The following CHD9 variants were observed in gnomAD, a reference collection of about 807,000 sequenced individuals.
CHD9 encodes chromodomain helicase DNA binding protein 9.
CHD9 carries 77 observed loss-of-function variants against 316.1 expected under a neutral mutation model. The observed-to-expected ratio is 0.24, with a 90% confidence interval of 0.20 to 0.29. The LOEUF is 0.29. Ranked by LOEUF, CHD9 falls within the 10% of genes least tolerant of loss-of-function variation. The probability of loss-of-function intolerance (pLI) is 1.00; values close to 1 mark genes in which losing one functional copy is unlikely to be tolerated. For synonymous variants in CHD9, 1,129 were observed against 1,158.3 expected, an observed-to-expected ratio of 0.97 and a Z score of 0.51; for missense variants, 2,763 against 3,438.1, an observed-to-expected ratio of 0.80 and a Z score of 4.91.
At chr16:53,306,041 C>T (rs907000111) in intron 31 of CHD9, among the ~76,000 whole-genome samples, 196 bp from the exon 32 acceptor site, 6 of 152,266 alleles carry the variant, frequency 3.9e-5, no homozygotes, top group Middle Eastern at 6.8e-3. Context: ...CTGTGCAACA[C>T]AGCAAGACCC....
chr16:53,233,048 G>T (rs1416550997), intron 10 of CHD9, among the ~76,000 whole-genome samples: 1 of 152,162 alleles, frequency 6.6e-6, no homozygotes, highest in Non-Finnish European at 1.5e-5. Flanking sequence ...GTGGATGCCA[G>T]CTGGCTGTCC....
intron 2 of CHD9, among the ~76,000 whole-genome samples, chr16:53,204,522 C>T (rs185539870): frequency 2.6e-5 from 4 of 152,270 alleles, no homozygotes; most frequent in Admixed American, 1.3e-4. Context: ...AAGGGTCTGA[C>T]ACTATCCTCT....
intron 2 of CHD9, among the ~76,000 whole-genome samples, chr16:53,175,993 T>C (rs542752499): frequency 6.6e-6 from 1 of 152,330 alleles, no homozygotes; most frequent in East Asian, 1.9e-4. Context: ...ATGGGGATAT[T>C]GAAGCTGGAA....
At chr16:53,271,992 A>G (rs1271536791) in intron 22 of CHD9, among the ~76,000 whole-genome samples, 3 of 152,214 alleles carry the variant, frequency 2.0e-5, no homozygotes, top group African/African-American at 4.8e-5. Context: ...ATGATAAACA[A>G]TAAAATTGTA....
intron 1 of CHD9, among the ~76,000 whole-genome samples, chr16:53,114,834 G>T (rs542656191): frequency 1.4e-4 from 21 of 152,008 alleles, no homozygotes; most frequent in African/African-American, 4.8e-4. Context: ...TGATCCGCCC[G>T]CCTCGGCCTC....
chr16:53,199,981 ATCCTAGC>A (rs1488001312), intron 2 of CHD9, among the ~76,000 whole-genome samples: 2 of 152,170 alleles, frequency 1.3e-5, no homozygotes, highest in African/African-American at 2.4e-5. Context: ...CATGCCTGTA[ATCCTAGC>A]ACTTTGGGAG....
At chr16:53,248,524 T>TG (rs1567556781) in intron 16 of CHD9, among the ~76,000 whole-genome samples, 1 of 78,144 alleles carries the variant, frequency 1.3e-5, no homozygotes. Flanking sequence ...GTTTTTTTTT[T>TG]TGTTTTTTTT....
chr16:53,254,605 T>G lies in CHD9; in HGVS notation c.4029T>G (p.Gly1343=). The change falls in exon 18 of 39, where the codon GGT becomes GGG. Residue 1343 remains glycine (G), a splice_region_variant and synonymous_variant. Coordinates refer to ENST00000447540, the MANE Select transcript of CHD9 (RefSeq NM_001308319.2). The part of the protein sequence containing the change: ...SMSGRESNVG[G]IQQLSKKEIE... Reference sequence around the variant, plus strand: ...GTGGAAGAGAAAGTAATGTTGGTGGTGTATGTATAGTTTCTTTTTCACTTG... The same window carrying G: ...GTGGAAGAGAAAGTAATGTTGGTGGGGTATGTATAGTTTCTTTTTCACTTG... The G allele has an allele frequency of 5.6e-6, 9 of 1,595,060 alleles. No homozygotes were observed. Among genetic ancestry groups the G allele is most frequent in the Non-Finnish European group, 7.7e-6 (9 of 1,167,892 alleles).
At chr16:53,219,669 TAA>T (rs1294893466) in intron 3 of CHD9, among the ~76,000 whole-genome samples, 1 of 152,228 alleles carries the variant, frequency 6.6e-6, no homozygotes, top group Admixed American at 6.5e-5. Flanking sequence ...TTTGCCATTT[TAA>T]AAGTCTTTTG....
chr16:53,278,015 A>G (rs2053023677), intron 24 of CHD9, among the ~76,000 whole-genome samples: 2 of 141,020 alleles, frequency 1.4e-5, no homozygotes, highest in South Asian at 4.3e-4. Context: ...CAATAGCCAG[A>G]AAAAAAAAAA....
At chr16:53,134,469 CCTTA>C (rs140475958) in intron 1 of CHD9, among the ~76,000 whole-genome samples, 5,997 of 152,218 alleles carry the variant, frequency 0.039, 408 homozygotes, top group African/African-American at 0.14. Context: ...GGCTTCACTC[CCTTA>C]CTTTTCCACC....
At chr16:53,129,681 GA>G (rs576065031) in intron 1 of CHD9, among the ~76,000 whole-genome samples, 249 of 152,354 alleles carry the variant, frequency 1.6e-3, no homozygotes, top group Non-Finnish European at 2.5e-3. Context: ...ACCTGCACTG[GA>G]TCGGAAATGG....
chr16:53,136,169 G>A (rs2039696458), intron 1 of CHD9, among the ~76,000 whole-genome samples: 1 of 152,132 alleles, frequency 6.6e-6, no homozygotes, highest in Non-Finnish European at 1.5e-5. Context: ...TTGGCATTAT[G>A]AAGTTAACCA....
In CHD9 at chr16:53,238,395, A is replaced by G. The variant is rs2152940618; in HGVS notation, c.2686A>G (p.Ile896Val). 6.2e-7 allele frequency: 1 copy of G among 1,613,068 alleles called. No individual in the cohort carries two copies. Among genetic ancestry groups the G allele is most frequent in the South Asian group, 1.1e-5 (1 of 91,046 alleles). ...EMGLGKTIQSITFLYEILLTG... is the reference protein window; with the variant it reads ...EMGLGKTIQSVTFLYEILLTG... ...GGGTCTTGGCAAAACTATTCAATCA[A>G]TTACATTCCTCTATGAAATCCTTCT... The change falls in exon 12 of 39, where the codon ATT becomes GTT. Residue 896 changes from isoleucine to valine, a missense_variant. Ile to Val is a conservative substitution (Grantham distance 29). Coordinates refer to ENST00000447540, the MANE Select transcript of CHD9 (RefSeq NM_001308319.2).
intron 19 of CHD9, among the ~76,000 whole-genome samples, chr16:53,262,562 T>A (rs775288038): frequency 2.6e-5 from 4 of 152,190 alleles, no homozygotes; most frequent in Non-Finnish European, 5.9e-5. Context: ...CTTTAGGAGA[T>A]ATTACTATCT....
intron 1 of CHD9, among the ~76,000 whole-genome samples, chr16:53,059,980 T>C (rs933536759): frequency 3.9e-5 from 6 of 152,176 alleles, no homozygotes; most frequent in Admixed American, 1.3e-4. Context: ...GACACTGAAG[T>C]TTTGAATTTC....
chr16:53,247,329 C>G lies in CHD9; in HGVS notation c.3491C>G (p.Thr1164Ser), dbSNP rs556563552. ...EEKILGEFRDTYNPAASDFHL... is the reference protein window; with the variant it reads ...EEKILGEFRDSYNPAASDFHL... ...AAAATACTTGGAGAATTTAGAGATA[C>G]TTACAATCCAGCTGCTTCTGATTTT... Residue 1164 changes from threonine (T) to serine (S), a missense_variant, in exon 16 of 39, where the codon ACT becomes AGT. Thr to Ser is a moderately conservative substitution (Grantham distance 58). This residue lies in a region of CHD9 where 155 missense variants were observed against 291.8 expected (regional missense o/e 0.53). Coordinates refer to ENST00000447540, the MANE Select transcript of CHD9 (RefSeq NM_001308319.2). 6.2e-7 allele frequency: 1 copy of G among 1,604,648 alleles called. No individual in the cohort carries two copies. Among genetic ancestry groups the G allele is most frequent in the South Asian group, 1.1e-5 (1 of 89,210 alleles).
chr16:53,204,058 T>TACACACACAC (rs58259105), intron 2 of CHD9, among the ~76,000 whole-genome samples: 9 of 62,964 alleles, frequency 1.4e-4, no homozygotes, highest in East Asian at 5.5e-4. Flanking sequence ...AATATATATA[T>TACACACACAC]ACACACACAC....
rs148920544 is a variant in CHD9 at position 53,091,157 on chromosome 16, C to T, written c.-165+36080C>T. On this transcript the variant is annotated intron_variant, in intron 1 of 38. Coordinates refer to ENST00000447540, the MANE Select transcript of CHD9 (RefSeq NM_001308319.2). ...CTGGATCCACACCAACCCCTTCCTC[C>T]TGGGGGTTCAGAGTGTTCTTGGAAG... 2.0e-4 allele frequency among the ~76,000 whole-genome samples: 31 copies of T among 152,298 alleles called. No individual in the cohort carries two copies. In the East Asian group the frequency reaches 3.9e-3, roughly 19 times the overall value.
Sources: gnomAD v4.1 joint callset for allele counts (sites outside exome capture counted in the v4.1 genomes callset) on GRCh38, gnomAD v4.1.1 for gene constraint, gnomAD v4.1.1 regional missense constraint, MANE v1.5 for transcripts, NCBI Gene and HGNC (gene_info 2026-07-23, HGNC 2026-07-21) for gene names.